The following PCDHA4 variants were observed in gnomAD, a reference collection of about 807,000 sequenced individuals.
The protein encoded by PCDHA4 is protocadherin alpha-4.
A neutral mutation model predicts 61.4 loss-of-function variants in PCDHA4; 49 were observed. That is an observed-to-expected ratio of 0.80 (90% CI 0.63 to 1.01). The LOEUF (loss-of-function observed/expected upper bound fraction) is 1.01, where lower values mean the gene tolerates loss of function less well. PCDHA4 is among the 50% of genes least tolerant of loss of function. PCDHA4 has a pLI of 0.00. For synonymous variants in PCDHA4, 590 were observed against 550.3 expected, an observed-to-expected ratio of 1.07 and a Z score of -1.01; for missense variants, 1,254 against 1,235.8, an observed-to-expected ratio of 1.01 and a Z score of -0.22.
At chr5:140,821,899 A>G (rs1767104322) in intron 1 of PCDHA4, 1 of 1,614,162 alleles carries the variant, frequency 6.2e-7, no homozygotes, top group Non-Finnish European at 8.5e-7. Flanking sequence ...CAAACACGGA[A>G]CCTTCGTTGG....
chr5:140,950,040 C>T (rs1053592525), intron 1 of PCDHA4, among the ~76,000 whole-genome samples: 4 of 151,718 alleles, frequency 2.6e-5, no homozygotes, highest in Non-Finnish European at 5.9e-5. Flanking sequence ...AAGTTACAAC[C>T]ATATAAGACT....
At chr5:140,815,471 C>G (rs1243746743) in intron 1 of PCDHA4, 2 of 152,062 alleles carry the variant, frequency 1.3e-5, no homozygotes, top group East Asian at 3.8e-4. Context: ...ATTATGTTTA[C>G]TTCTCCCCTA....
At chr5:140,951,822 C>T (rs926525028) in intron 1 of PCDHA4, among the ~76,000 whole-genome samples, 11 of 152,152 alleles carry the variant, frequency 7.2e-5, no homozygotes, top group African/African-American at 2.7e-4. Flanking sequence ...AAAGTCTGAA[C>T]TCATTCCAGC....
intron 1 of PCDHA4, among the ~76,000 whole-genome samples, chr5:140,916,821 C>T (rs2077744344): frequency 6.6e-6 from 1 of 152,170 alleles, no homozygotes; most frequent in African/African-American, 2.4e-5. Flanking sequence ...TGTGCCACCC[C>T]TATCCCTCTG....
At chr5:140,926,789 G>A in intron 1 of PCDHA4, 1 of 1,432,318 alleles carries the variant, frequency 7.0e-7, no homozygotes, top group East Asian at 2.5e-5. Flanking sequence ...CGGCCGGCAG[G>A]AGCGTGCTCT....
At chr5:140,902,189 C>T (rs2069172292) in intron 1 of PCDHA4, among the ~76,000 whole-genome samples, 1 of 145,890 alleles carries the variant, frequency 6.9e-6, no homozygotes, top group African/African-American at 2.6e-5. Flanking sequence ...TATGTCTTCT[C>T]TCTCTCTCTC....
intron 1 of PCDHA4, chr5:140,857,488 C>T: frequency 6.3e-7 from 1 of 1,598,442 alleles, no homozygotes; most frequent in Non-Finnish European, 8.6e-7. Flanking sequence ...CTGCGTGGGA[C>T]GCGGACGCGC....
chr5:140,968,739 T>C, intron 1 of PCDHA4: 1 of 1,614,192 alleles, frequency 6.2e-7, no homozygotes, highest in South Asian at 1.1e-5. Context: ...ACTTTCAACC[T>C]GACCGTGGTG....
intron 1 of PCDHA4, chr5:140,928,070 A>G (rs1408962097): frequency 1.9e-6 from 3 of 1,614,058 alleles, no homozygotes; most frequent in East Asian, 4.5e-5. Flanking sequence ...TCCTTTGACA[A>G]CTACTACAGC....
At chr5:140,945,954 A>G (rs187878503) in intron 1 of PCDHA4, among the ~76,000 whole-genome samples, 130 of 152,264 alleles carry the variant, frequency 8.5e-4, no homozygotes, top group Non-Finnish European at 1.6e-3. Flanking sequence ...ATGACCCTGA[A>G]AGCACAGGCA....
chr5:140,993,270 G>A (rs190721014), intron 3 of PCDHA4, among the ~76,000 whole-genome samples: 360 of 151,912 alleles, frequency 2.4e-3, no homozygotes, highest in African/African-American at 8.3e-3. Context: ...AGCTTCTTTG[G>A]TCTTTTCTTG....
intron 1 of PCDHA4, chr5:140,829,221 T>C (rs1206771984): frequency 1.9e-6 from 3 of 1,614,108 alleles, no homozygotes; most frequent in Non-Finnish European, 2.5e-6. Context: ...GTGAACGACC[T>C]CGATTCAGGT....
chr5:141,010,384 G>T lies in PCDHA4; in HGVS notation c.*447G>T, dbSNP rs2098417140. 10 of 1,411,480 alleles carry T rather than the reference G, an allele frequency of 7.1e-6. No homozygotes were observed. In the South Asian group the frequency reaches 8.5e-5, roughly 12 times the overall value. The allele number at this position is 1,411,480 out of a possible 1,614,324, so 87.4% of individuals were successfully genotyped here. A position where few individuals can be genotyped will look rare whatever the true frequency, so the allele number is the denominator to read the frequency against. ...GCGGGTATGCGAGTGCCAGATATTGGCTGAGACGAGCCAGCTTAGACTAAT... is the reference window on the plus strand; with the variant it reads ...GCGGGTATGCGAGTGCCAGATATTGTCTGAGACGAGCCAGCTTAGACTAAT... On this transcript the variant is annotated 3_prime_UTR_variant, in exon 4 of 4. Coordinates refer to ENST00000530339, the MANE Select transcript of PCDHA4 (RefSeq NM_018907.4).
intron 1 of PCDHA4, among the ~76,000 whole-genome samples, chr5:140,916,528 C>T (rs2077601043): frequency 6.6e-6 from 1 of 152,154 alleles, no homozygotes; most frequent in South Asian, 2.1e-4. Context: ...TGGGTCCTTC[C>T]CACCAAGGCA....
chr5:140,973,329 G>A (rs1303671094), intron 1 of PCDHA4, among the ~76,000 whole-genome samples: 6 of 152,112 alleles, frequency 3.9e-5, no homozygotes, highest in Non-Finnish European at 7.3e-5. Flanking sequence ...GTTTACACTC[G>A]TTGTAAAGTG....
intron 1 of PCDHA4, chr5:140,875,605 G>T (rs782421314): frequency 3.5e-5 from 57 of 1,613,756 alleles, no homozygotes; most frequent in Admixed American, 1.3e-4. Context: ...CGGCACCTTC[G>T]TGGGCCGCAT....
In PCDHA4 at chr5:140,856,671, AGTT is replaced by A. The variant is rs781932565; in HGVS notation, c.2385+47107_2385+47109del. 8 of 1,597,880 alleles carry A rather than the reference AGTT, an allele frequency of 5.0e-6. 1 individual carries two copies. The highest frequency in any genetic ancestry group is 4.5e-5 in the East Asian group (2 of 44,874). The stretch of plus-strand genomic sequence containing the variant: ...GATCGTGAAGAAAATCCTCAGCTAA[AGTT>A]GTTGTTGACAGCAACTGATGGAGGC... On this transcript the variant is annotated intron_variant, in intron 1 of 3. Transcript: ENST00000530339.
At chr5:140,834,761 T>G (rs1265880924) in intron 1 of PCDHA4, 6 of 1,613,900 alleles carry the variant, frequency 3.7e-6, no homozygotes, top group Non-Finnish European at 5.1e-6. Flanking sequence ...TGAAGGACAT[T>G]AACGACAACC....
intron 1 of PCDHA4, among the ~76,000 whole-genome samples, chr5:140,959,927 C>A (rs1554224406): frequency 6.6e-6 from 1 of 152,038 alleles, no homozygotes; most frequent in African/African-American, 2.4e-5. Flanking sequence ...TTGTAAAGCC[C>A]CATTACTTAG....
Sources: gnomAD v4.1 joint callset for allele counts (sites outside exome capture counted in the v4.1 genomes callset) on GRCh38, gnomAD v4.1.1 for gene constraint, MANE v1.5 for transcripts, NCBI Gene and HGNC (gene_info 2026-07-23, HGNC 2026-07-21) for gene names.